BACE2: variants seen among roughly 807,000 people sequenced by gnomAD.
The protein encoded by BACE2 is beta-secretase 2.
A neutral mutation model predicts 46.2 loss-of-function variants in BACE2; 17 were observed. That is an observed-to-expected ratio of 0.37 (90% confidence interval 0.25 to 0.55). The LOEUF (loss-of-function observed/expected upper bound fraction) is 0.55. Ranked by LOEUF, BACE2 falls within the 20% of genes least tolerant of loss-of-function variation. BACE2 has a pLI of 0.82. For synonymous variants in BACE2, 277 were observed against 295.9 expected, an observed-to-expected ratio of 0.94 and a Z score of 0.66; for missense variants, 595 against 698.1, an observed-to-expected ratio of 0.85 and a Z score of 1.66.
intron 1 of BACE2, among the ~76,000 whole-genome samples, chr21:41,202,037 T>C (rs974100608): frequency 6.6e-6 from 1 of 152,252 alleles, no homozygotes; most frequent in African/African-American, 2.4e-5. Flanking sequence ...TGTCTGAAAT[T>C]GGTTTTTGTA....
rs576908028 is a variant in BACE2, at chr21:41,259,092, C to T, written c.1303+1766C>T. 3.9e-5 allele frequency among the ~76,000 whole-genome samples: 6 copies of T among 152,300 alleles called. No homozygotes were observed. In the South Asian group the frequency reaches 1.2e-3, roughly 32 times the overall value. ...ATGGCAACAGCTGTTAGAGGGTCCA[C>T]TTAATACTGCAGAATCTAATAACCA... is the stretch of plus-strand genomic sequence containing the variant. On this transcript the variant is annotated intron_variant, in intron 8 of 8. Coordinates refer to ENST00000330333, the MANE Select transcript of BACE2 (RefSeq NM_012105.5).
chr21:41,241,789 C>T (rs768741723), intron 3 of BACE2, 30 bp from the exon 4 acceptor site: 57 of 1,612,946 alleles, frequency 3.5e-5, no homozygotes, highest in Non-Finnish European at 4.3e-5. Context: ...GAGTCCTAAG[C>T]GGGTGCCCCT....
At chr21:41,265,871 A>T (rs1281813029) in intron 8 of BACE2, among the ~76,000 whole-genome samples, 1 of 152,194 alleles carries the variant, frequency 6.6e-6, no homozygotes, top group African/African-American at 2.4e-5. Context: ...GGCTTTCCTC[A>T]CTAAAAGTGT....
intron 1 of BACE2, among the ~76,000 whole-genome samples, chr21:41,205,428 A>T (rs1189948612): frequency 6.6e-6 from 1 of 152,226 alleles, no homozygotes; most frequent in East Asian, 1.9e-4. Context: ...AGATATGAAG[A>T]TTCATTTGGC....
intron 2 of BACE2, among the ~76,000 whole-genome samples, chr21:41,232,740 A>G (rs1481715987): frequency 1.3e-5 from 2 of 152,222 alleles, no homozygotes; most frequent in Non-Finnish European, 2.9e-5. Context: ...CACCAGAAGC[A>G]GATGCCAGCA....
At chr21:41,203,489 G>A (rs1033068156) in intron 1 of BACE2, among the ~76,000 whole-genome samples, 3 of 152,218 alleles carry the variant, frequency 2.0e-5, no homozygotes, top group African/African-American at 4.8e-5. Flanking sequence ...TGAGGAAGGT[G>A]GGGGAGTGCT....
rs893027517 is a variant in BACE2 at position 41,246,101 on chromosome 21, G to A, written c.984+38G>A. Reference sequence around the variant, plus strand: ...GACACTCACGGGTCCCCGAGTTGCTGAGTTACAGTCACCTGCTGAGGAGCA... The same window carrying A: ...GACACTCACGGGTCCCCGAGTTGCTAAGTTACAGTCACCTGCTGAGGAGCA... On this transcript the variant is annotated intron_variant, in intron 6 of 8. Coordinates refer to ENST00000330333, the MANE Select transcript of BACE2 (RefSeq NM_012105.5). The A allele has an allele frequency of 1.2e-5, 18 of 1,523,626 alleles. No homozygotes were observed. In the African/African-American group the frequency reaches 2.3e-4, roughly 20 times the overall value. 94.4% of individuals were successfully genotyped at this position (1,523,626 alleles called of 1,614,324 possible).
chr21:41,237,739 A>G lies in BACE2; in HGVS notation c.618+10A>G. On this transcript the variant is annotated intron_variant, in intron 3 of 8. Transcript: ENST00000330333. ...TGCCACACTTGCCAAGGTAAGGCTA[A>G]TCCATGGATTTAAGGAAATCAAATA... 5 of 1,604,552 alleles carry G rather than the reference A, an allele frequency of 3.1e-6. No homozygotes were observed. The highest frequency in any genetic ancestry group is 4.3e-6 in the Non-Finnish European group (5 of 1,171,358).
intron 1 of BACE2, among the ~76,000 whole-genome samples, chr21:41,216,368 G>C (rs895575098): frequency 6.6e-6 from 1 of 152,202 alleles, no homozygotes; most frequent in African/African-American, 2.4e-5. Flanking sequence ...AACGACCATC[G>C]TGGTGACTGG....
At chr21:41,267,045 G>A (rs1048358019) in intron 8 of BACE2, among the ~76,000 whole-genome samples, 2 of 152,112 alleles carry the variant, frequency 1.3e-5, no homozygotes, top group Non-Finnish European at 2.9e-5. Context: ...GGAGCAGTGA[G>A]TGGGAGCTCC....
intron 1 of BACE2, among the ~76,000 whole-genome samples, chr21:41,199,709 C>T (rs1363513888): frequency 6.6e-6 from 1 of 152,148 alleles, no homozygotes. Context: ...CGATTCCCTC[C>T]GCACTTCTAG....
intron 1 of BACE2, among the ~76,000 whole-genome samples, chr21:41,224,418 G>A (rs1986748618): frequency 6.6e-6 from 1 of 152,028 alleles, no homozygotes; most frequent in South Asian, 2.1e-4. Context: ...GTTTCACCGT[G>A]TTAGCCAGGA....
intron 1 of BACE2, among the ~76,000 whole-genome samples, chr21:41,222,355 G>C (rs1307844546): frequency 6.6e-6 from 1 of 152,216 alleles, no homozygotes; most frequent in African/African-American, 2.4e-5. Flanking sequence ...GGGCCAGCCA[G>C]GGTCAGCTTC....
rs1987610388 is a variant in BACE2, at chr21:41,250,669, G to A, written c.985-83G>A. ...TTGTTTATCCCTGTGGGCATCTGGC[G>A]AGGTGGCTAGGAAAGCCTGGAGCTG... On this transcript the variant is annotated intron_variant, in intron 6 of 8. Transcript: ENST00000330333. 1.3e-5 allele frequency: 17 copies of A among 1,314,696 alleles called. 1 individual carries two copies. Among genetic ancestry groups the A allele is most frequent in the South Asian group, 7.5e-5 (6 of 79,844 alleles). The allele number at this position is 1,314,696 out of a possible 1,614,324, so 81.4% of individuals were successfully genotyped here. A position where few individuals can be genotyped will look rare whatever the true frequency, so the allele number is the denominator to read the frequency against.
intron 1 of BACE2, among the ~76,000 whole-genome samples, chr21:41,218,299 C>T (rs147503975): frequency 3.0e-4 from 45 of 152,272 alleles, no homozygotes; most frequent in African/African-American, 1.1e-3. Flanking sequence ...TTGAAATACA[C>T]TGGAGAAACA....
Position 41,250,806 on chromosome 21 carries a change from A to T in BACE2, c.1039A>T (p.Asn347Tyr). The change falls in exon 7 of 9, where the codon AAT becomes TAT. Residue 347 changes from asparagine (N) to tyrosine (Y), a missense_variant. This residue lies in a region of BACE2 where 343 missense variants were observed against 419.4 expected (regional missense o/e 0.82). Coordinates refer to ENST00000330333, the MANE Select transcript of BACE2 (RefSeq NM_012105.5). ...WTGSQLACWTNSETPWSYFPK... is the reference protein window; with the variant it reads ...WTGSQLACWTYSETPWSYFPK... The stretch of plus-strand genomic sequence containing the variant: ...TGGGTCCCAGCTGGCGTGCTGGACG[A>T]ATTCGGAAACACCTTGGTCTTACTT... 6.2e-7 allele frequency: 1 copy of T among 1,614,166 alleles called. No homozygotes were observed. The highest frequency in any genetic ancestry group is 8.5e-7 in the Non-Finnish European group (1 of 1,180,016).
At chr21:41,168,609 G>A (rs762866733) in intron 1 of BACE2, 34 bp downstream of exon 1, 2 of 1,290,192 alleles carry the variant, frequency 1.6e-6, no homozygotes, top group Admixed American at 3.5e-5. Flanking sequence ...CGGGCTTTTC[G>A]GGCTCGTTGG....
chr21:41,196,301 A>G (rs1985729139), intron 1 of BACE2, among the ~76,000 whole-genome samples: 1 of 139,416 alleles, frequency 7.2e-6, no homozygotes, highest in Non-Finnish European at 1.6e-5. Context: ...CTATCTCAAA[A>G]CAAAAAACAA....
intron 2 of BACE2, among the ~76,000 whole-genome samples, chr21:41,230,838 A>T (rs1040272280): frequency 6.6e-6 from 1 of 152,236 alleles, no homozygotes; most frequent in African/African-American, 2.4e-5. Context: ...AAAAGAAAAA[A>T]AGAAAAGAAA....
Sources: allele counts gnomAD v4.1 joint callset (sites outside exome capture counted in the v4.1 genomes callset), GRCh38; gene constraint gnomAD v4.1.1; regional missense constraint gnomAD v4.1.1; transcripts MANE v1.5; gene names NCBI Gene and HGNC (gene_info 2026-07-23, HGNC 2026-07-21).